Variants in PRKN observed in about 807,000 individuals in gnomAD.
PRKN encodes the protein E3 ubiquitin-protein ligase parkin.
In PRKN, 56 loss-of-function variants were observed where a neutral mutation model predicts 59.5. The observed-to-expected ratio is 0.94, with a 90% CI of 0.76 to 1.18. The LOEUF is 1.18. PRKN is among the 50% of genes most tolerant of loss of function. PRKN has a pLI of 0.00. For synonymous variants in PRKN, 250 were observed against 222.1 expected (o/e 1.13, Z -1.12); for missense variants, 657 against 596.4 (o/e 1.10, Z -1.06).
chr6:162,609,774 A>G (rs983247080), intron 1 of PRKN, among the ~76,000 whole-genome samples: 15 of 152,212 alleles, frequency 9.9e-5, no homozygotes, highest in African/African-American at 2.7e-4. Context: ...TGCCACAGAA[A>G]TCTTATTTAT....
chr6:162,693,163 A>G (rs1470447223), intron 1 of PRKN, among the ~76,000 whole-genome samples: 1 of 152,204 alleles, frequency 6.6e-6, no homozygotes, highest in Non-Finnish European at 1.5e-5. Context: ...GCCAATGACT[A>G]TCCTCTAGGT....
chr6:161,601,945 A>AT (rs1027834617), intron 7 of PRKN, among the ~76,000 whole-genome samples: 8 of 152,268 alleles, frequency 5.3e-5, no homozygotes, highest in Admixed American at 1.3e-4. Context: ...AAAAACTGTT[A>AT]TTTTTTTAAC....
intron 1 of PRKN, among the ~76,000 whole-genome samples, chr6:162,563,380 C>G (rs898231895): frequency 1.3e-5 from 2 of 152,014 alleles, no homozygotes; most frequent in Admixed American, 1.3e-4. Flanking sequence ...GTCTGGTAAT[C>G]AAGAGAATTA....
intron 9 of PRKN, among the ~76,000 whole-genome samples, chr6:161,421,973 G>A (rs1788126316): frequency 1.3e-5 from 2 of 152,030 alleles, no homozygotes; most frequent in African/African-American, 4.8e-5. Flanking sequence ...AAGAACAACT[G>A]AAGTTCTTTG....
chr6:162,399,218 G>A (rs572327279), intron 2 of PRKN, among the ~76,000 whole-genome samples: 2 of 152,252 alleles, frequency 1.3e-5, no homozygotes, highest in East Asian at 1.9e-4. Context: ...GGAAGCCAGA[G>A]ATATTGTCAT....
chr6:161,870,615 A>G (rs1794304458), intron 6 of PRKN, among the ~76,000 whole-genome samples: 1 of 152,242 alleles, frequency 6.6e-6, no homozygotes, highest in African/African-American at 2.4e-5. Context: ...GAAGGCTATC[A>G]ATATTTTATA....
chr6:161,496,616 C>A (rs1777759385), intron 9 of PRKN, among the ~76,000 whole-genome samples: 1 of 152,224 alleles, frequency 6.6e-6, no homozygotes, highest in African/African-American at 2.4e-5. Context: ...TGGGGAAAGC[C>A]ACCCCCATGA....
At position 162,507,180 on chromosome 6, in the gene PRKN, T is replaced by C. The variant is rs534805841; in HGVS notation, c.8-63707A>G. Among the ~76,000 whole-genome samples, 4 of 152,302 alleles carry C rather than the reference T, an allele frequency of 2.6e-5. No individual in the cohort carries two copies. The South Asian group carries it at 8.3e-4, about 32-fold the overall frequency. Reference sequence around the variant, plus strand: ...CTTTCCCCTCTAGTTCTTCATGCTATGATTTCTCACCCAGAACAAGACAGT... The same window carrying C: ...CTTTCCCCTCTAGTTCTTCATGCTACGATTTCTCACCCAGAACAAGACAGT... On this transcript the variant is annotated intron_variant, in intron 1 of 11. Transcript: ENST00000366898.
At chr6:161,836,714 T>C (rs1346685405) in intron 6 of PRKN, among the ~76,000 whole-genome samples, 1 of 152,150 alleles carries the variant, frequency 6.6e-6, no homozygotes, top group Non-Finnish European at 1.5e-5. Context: ...AAATGTCATA[T>C]CCAGGTGCAA....
At chr6:162,387,008 GAAGTT>G (rs945176263) in intron 2 of PRKN, among the ~76,000 whole-genome samples, 5 of 151,984 alleles carry the variant, frequency 3.3e-5, no homozygotes, top group African/African-American at 1.2e-4. Flanking sequence ...ATTTAAAATG[GAAGTT>G]AATTAAAAAG....
At chr6:162,304,880 T>A (rs921123869) in intron 2 of PRKN, among the ~76,000 whole-genome samples, 1 of 152,074 alleles carries the variant, frequency 6.6e-6, no homozygotes, top group African/African-American at 2.4e-5. Flanking sequence ...AAAATGGAAA[T>A]CCAGGTTTTT....
intron 1 of PRKN, among the ~76,000 whole-genome samples, chr6:162,685,111 T>G (rs1779921898): frequency 6.6e-6 from 1 of 152,168 alleles, no homozygotes; most frequent in Non-Finnish European, 1.5e-5. Context: ...GCAAATTACT[T>G]TACACCTCTG....
intron 1 of PRKN, among the ~76,000 whole-genome samples, chr6:162,553,542 CAA>C (rs57807120): frequency 5.9e-4 from 68 of 114,532 alleles, no homozygotes; most frequent in South Asian, 2.1e-3. Context: ...TGTTTACTAC[CAA>C]AAAAAAAAAA....
chr6:162,495,675 T>C (rs1793034299), intron 1 of PRKN, among the ~76,000 whole-genome samples: 3 of 152,192 alleles, frequency 2.0e-5, no homozygotes, highest in South Asian at 2.1e-4. Flanking sequence ...GCCAGTGTCA[T>C]CTTTCTTTCT....
At chr6:161,885,627 T>C (rs1484599313) in intron 6 of PRKN, among the ~76,000 whole-genome samples, 1 of 144,016 alleles carries the variant, frequency 6.9e-6, no homozygotes, top group Admixed American at 7.3e-5. Flanking sequence ...ATTGCACCAC[T>C]GCACTCCAGC....
At chr6:162,286,867 A>G (rs1037858604) in intron 2 of PRKN, among the ~76,000 whole-genome samples, 3 of 152,326 alleles carry the variant, frequency 2.0e-5, no homozygotes, top group Middle Eastern at 6.8e-3. Context: ...AGAGATGCAT[A>G]ACTTACCTAA....
At chr6:161,998,928 T>A (rs1781944023) in intron 5 of PRKN, among the ~76,000 whole-genome samples, 2 of 152,102 alleles carry the variant, frequency 1.3e-5, no homozygotes, top group African/African-American at 4.8e-5. Context: ...TGAGTATGTG[T>A]GTTTAGGTAA....
At chr6:162,540,561 AC>A (rs1778888652) in intron 1 of PRKN, among the ~76,000 whole-genome samples, 1 of 151,990 alleles carries the variant, frequency 6.6e-6, no homozygotes, top group Admixed American at 6.6e-5. Context: ...TAAGCCCAGC[AC>A]TCAGGGAGGC....
In PRKN at chr6:161,594,888, A is replaced by G. The variant is rs940915408; in HGVS notation, c.872-25472T>C. 2.6e-5 allele frequency among the ~76,000 whole-genome samples: 4 copies of G among 152,242 alleles called. No individual in the cohort carries two copies. The East Asian group carries it at 5.8e-4, about 22-fold the overall frequency. On this transcript the variant is annotated intron_variant, in intron 7 of 11. Transcript: ENST00000366898. ...GATTACAAAATTATACATTCTAGAG[A>G]GGAAAAACAGTCAAATCAGATAGGC...
Sources: allele counts gnomAD v4.1 joint callset (sites outside exome capture counted in the v4.1 genomes callset), GRCh38; gene constraint gnomAD v4.1.1; transcripts MANE v1.5; gene names NCBI Gene and HGNC (gene_info 2026-07-23, HGNC 2026-07-21).